LRAT: variants seen among roughly 807,000 people sequenced by gnomAD.
LRAT encodes the protein lecithin retinol acyltransferase, also known as lecithin retinol acyltransferase (phosphatidylcholine--retinol O-acyltransferase).
Under a neutral mutation model 14.2 loss-of-function variants are expected in LRAT, and 11 were observed. The ratio of observed to expected loss-of-function variants is 0.78; its 90% CI spans 0.49 to 1.29. LRAT has a LOEUF of 1.29. Among genes scored for constraint, LRAT ranks in the 50% most tolerant of loss-of-function variants. LRAT has a pLI of 0.00. For synonymous variants in LRAT, 144 were observed against 124.8 expected (o/e 1.15, Z -1.03); for missense variants, 274 against 292.4 (o/e 0.94, Z 0.46).
Position 154,752,208 on chromosome 4 carries a change from G to C in LRAT, c.*3072G>C, listed in dbSNP as rs944531041. 3 of 152,232 alleles carry C rather than the reference G, an allele frequency of 2.0e-5. No individual in the cohort carries two copies. Among genetic ancestry groups the C allele is most frequent in the African/African-American group, 7.2e-5 (3 of 41,462 alleles). The allele number at this position is 152,232 out of a possible 1,614,324, so 9.4% of individuals were successfully genotyped here. A position where few individuals can be genotyped will look rare whatever the true frequency, so the allele number is the denominator to read the frequency against. Reference sequence around the variant, plus strand: ...ACAAACCATGTACCAACACTTGAAAGATGGGTGGATATTTTCCAGGAAACA... The same window carrying C: ...ACAAACCATGTACCAACACTTGAAACATGGGTGGATATTTTCCAGGAAACA... On this transcript the variant is annotated 3_prime_UTR_variant, in exon 3 of 3. Coordinates refer to ENST00000336356, the MANE Select transcript of LRAT (RefSeq NM_004744.5).
In LRAT at chr4:154,751,056, T is replaced by A. The variant is rs190180367; in HGVS notation, c.*1920T>A. ...AATTCCTTGTTCATTTGAGTGTTCA[T>A]TATATGCCAGGCATTGACCAGTTGC... On this transcript the variant is annotated 3_prime_UTR_variant, in exon 3 of 3. Transcript: ENST00000336356. 6.6e-6 allele frequency: 1 copy of A among 152,326 alleles called. No homozygotes were observed. Among genetic ancestry groups the A allele is most frequent in the East Asian group, 1.9e-4 (1 of 5,178 alleles). The allele number at this position is 152,326 out of a possible 1,614,324, so 9.4% of individuals were successfully genotyped here.
At chr4:154,741,524 C>A (rs1037425120), upstream of LRAT, among the ~76,000 whole-genome samples, 2 of 152,114 alleles carry the variant, frequency 1.3e-5, no homozygotes, top group Non-Finnish European at 2.9e-5. Flanking sequence ...ATGGACACTC[C>A]GCGCCCTATT....
rs1560870427 is a variant in LRAT, at chr4:154,744,315, C to A, written c.-1-11C>A. Reference sequence around the variant, plus strand: ...CACCGGCACCTCTCCAAGACGCCCTCTTCCCTGCAGGATGAAGAACCCCAT... The same window carrying A: ...CACCGGCACCTCTCCAAGACGCCCTATTCCCTGCAGGATGAAGAACCCCAT... On this transcript the variant is annotated splice_polypyrimidine_tract_variant and intron_variant, in intron 1 of 2. Coordinates refer to ENST00000336356, the MANE Select transcript of LRAT (RefSeq NM_004744.5). 8.7e-6 allele frequency: 14 copies of A among 1,613,968 alleles called. No individual in the cohort carries two copies. Among genetic ancestry groups the A allele is most frequent in the Non-Finnish European group, 1.2e-5 (14 of 1,180,004 alleles).
upstream of LRAT, among the ~76,000 whole-genome samples, chr4:154,741,986 C>A (rs548815593): frequency 4.6e-5 from 7 of 152,110 alleles, no homozygotes; most frequent in Admixed American, 2.0e-4. Context: ...CCCTTTGGCC[C>A]GTGACACAAG....
In LRAT at chr4:154,752,254, A is replaced by G. The variant is rs931694937; in HGVS notation, c.*3118A>G. ...AAACAGATTTTGGGCAGGACATTCC[A>G]TGCACTGGAAATAGCATGAACAAAT... On this transcript the variant is annotated 3_prime_UTR_variant, in exon 3 of 3. Transcript: ENST00000336356. 5 of 152,248 alleles carry G rather than the reference A, an allele frequency of 3.3e-5. No homozygotes were observed. The highest frequency in any genetic ancestry group is 1.2e-4 in the African/African-American group (5 of 41,462). 9.4% of individuals were successfully genotyped at this position (152,248 alleles called of 1,614,324 possible).
intron 2 of LRAT, among the ~76,000 whole-genome samples, chr4:154,748,607 T>C (rs1050841434): frequency 6.6e-6 from 1 of 152,148 alleles, no homozygotes; most frequent in Admixed American, 6.5e-5. Context: ...CCAAATTCTA[T>C]TATTTTTACT....
chr4:154,741,899 A>AT (rs2111028569), upstream of LRAT, among the ~76,000 whole-genome samples: 1 of 152,320 alleles, frequency 6.6e-6, no homozygotes, highest in Non-Finnish European at 1.5e-5. Flanking sequence ...GGAGGCAGTC[A>AT]TAAGCATTAT....
At position 154,750,797 on chromosome 4, in the gene LRAT, T is replaced by C; in HGVS notation, c.*1661T>C. 6.6e-6 allele frequency: 1 copy of C among 152,220 alleles called. No homozygotes were observed. The highest frequency in any genetic ancestry group is 1.9e-4 in the East Asian group (1 of 5,200). 9.4% of individuals were successfully genotyped at this position (152,220 alleles called of 1,614,324 possible). On this transcript the variant is annotated 3_prime_UTR_variant, in exon 3 of 3. Coordinates refer to ENST00000336356, the MANE Select transcript of LRAT (RefSeq NM_004744.5). ...TGAGAACTACCGTGTTAGTGGTTTT[T>C]CACTTACTGTATATTACCCTTGTAG...
Position 154,749,299 on chromosome 4 carries a change from A to G in LRAT, c.*163A>G, listed in dbSNP as rs937622337. The G allele has an allele frequency of 4.0e-6, 3 of 753,218 alleles. No individual in the cohort carries two copies. The highest frequency in any genetic ancestry group is 1.8e-5 in the African/African-American group (1 of 57,006). 46.7% of individuals were successfully genotyped at this position (753,218 alleles called of 1,614,324 possible). ...CGCAAAGTGCTTACTGTGTAAGCCC[A>G]AGAACAAAGGCTTTCTGAATCTTCT... is the stretch of plus-strand genomic sequence containing the variant. On this transcript the variant is annotated 3_prime_UTR_variant, in exon 3 of 3. Transcript: ENST00000336356.
intron 2 of LRAT, among the ~76,000 whole-genome samples, chr4:154,746,839 G>A (rs1423411692): frequency 6.6e-6 from 1 of 152,080 alleles, no homozygotes; most frequent in African/African-American, 2.4e-5. Context: ...TTTAATTGCT[G>A]TTGCTGCATA....
At chr4:154,748,684 G>T (rs1732927583) in intron 2 of LRAT, among the ~76,000 whole-genome samples, 1 of 152,022 alleles carries the variant, frequency 6.6e-6, no homozygotes, top group Non-Finnish European at 1.5e-5. Flanking sequence ...TAAGCAGTTT[G>T]ATGTTTTAAA....
Position 154,752,976 on chromosome 4 carries a change from T to C in LRAT, c.*3840T>C, listed in dbSNP as rs1733027114. 1.3e-5 allele frequency: 2 copies of C among 152,232 alleles called. No individual in the cohort carries two copies. Among genetic ancestry groups the C allele is most frequent in the African/African-American group, 4.8e-5 (2 of 41,468 alleles). The allele number at this position is 152,232 out of a possible 1,614,324, so 9.4% of individuals were successfully genotyped here. ...GTTATGGCAATGGCAAAAGTCCTTGTTGTAGATGAGAAGCATATAAGAAAT... is the reference window on the plus strand; with the variant it reads ...GTTATGGCAATGGCAAAAGTCCTTGCTGTAGATGAGAAGCATATAAGAAAT... On this transcript the variant is annotated 3_prime_UTR_variant, in exon 3 of 3. Coordinates refer to ENST00000336356, the MANE Select transcript of LRAT (RefSeq NM_004744.5).
At position 154,749,233 on chromosome 4, in the gene LRAT, C is replaced by A; in HGVS notation, c.*97C>A. 1 of 1,303,828 alleles carries A rather than the reference C, an allele frequency of 7.7e-7. No homozygotes were observed. Among genetic ancestry groups the A allele is most frequent in the Non-Finnish European group, 1.1e-6 (1 of 903,044 alleles). The allele number at this position is 1,303,828 out of a possible 1,614,324, so 80.8% of individuals were successfully genotyped here. ...TAAGCATTATTGAGAAAAATGTGAC[C>A]CGTAACACTGTGTTCTGGATAAAAA... On this transcript the variant is annotated 3_prime_UTR_variant, in exon 3 of 3. Transcript: ENST00000336356.
Position 154,748,422 on chromosome 4 carries a change from C to T in LRAT, c.541-562C>T, listed in dbSNP as rs992919224. 1.6e-5 allele frequency: 16 copies of T among 986,300 alleles called. No individual in the cohort carries two copies. The African/African-American group carries it at 2.1e-4, about 13-fold the overall frequency. 61.1% of individuals were successfully genotyped at this position (986,300 alleles called of 1,614,324 possible). ...AATATTTGTCTTTTTTTCCAGCAGC[C>T]AGTTATGTGTCACATAATTGATCCT... On this transcript the variant is annotated intron_variant, in intron 2 of 2. Coordinates refer to ENST00000336356, the MANE Select transcript of LRAT (RefSeq NM_004744.5).
intron 2 of LRAT, among the ~76,000 whole-genome samples, chr4:154,747,951 T>C (rs1370051591): frequency 2.0e-5 from 3 of 152,168 alleles, no homozygotes; most frequent in South Asian, 2.1e-4. Flanking sequence ...TTGTTCATTC[T>C]ATCACTTAAT....
rs576544768 is a variant in LRAT at position 154,748,909 on chromosome 4, G to C, written c.541-75G>C. 431 of 1,386,014 alleles carry C rather than the reference G, an allele frequency of 3.1e-4. 1 individual carries two copies. Among genetic ancestry groups the C allele is most frequent in the South Asian group, 2.8e-3 (240 of 85,618 alleles). The allele number at this position is 1,386,014 out of a possible 1,614,324, so 85.9% of individuals were successfully genotyped here. A position where few individuals can be genotyped will look rare whatever the true frequency, so the allele number is the denominator to read the frequency against. ...TAGACAGAAAATAGCTGGGAAAACT[G>C]ATTTACTGTTTGATATATGTGATTC... On this transcript the variant is annotated intron_variant, in intron 2 of 2. Transcript: ENST00000336356.
chr4:154,744,181 C>G lies in LRAT; in HGVS notation c.-43C>G. ...CTGTCCTCCTTTGCCTTCCTCTCTCCTCAGCGGCCGTACTTTGCGCCGTAC... is the reference window on the plus strand; with the variant it reads ...CTGTCCTCCTTTGCCTTCCTCTCTCGTCAGCGGCCGTACTTTGCGCCGTAC... On this transcript the variant is annotated 5_prime_UTR_variant, in exon 1 of 3. Coordinates refer to ENST00000336356, the MANE Select transcript of LRAT (RefSeq NM_004744.5). 1.2e-6 allele frequency: 1 copy of G among 814,382 alleles called. No homozygotes were observed. Among genetic ancestry groups the G allele is most frequent in the Non-Finnish European group, 2.0e-6 (1 of 495,058 alleles). 50.4% of individuals were successfully genotyped at this position (814,382 alleles called of 1,614,324 possible).
In LRAT at chr4:154,749,274, C is replaced by T. The variant is rs1241475769; in HGVS notation, c.*138C>T. On this transcript the variant is annotated 3_prime_UTR_variant, in exon 3 of 3. Transcript: ENST00000336356. ...TGGATAAAAATGTGATTAGGAATCA[C>T]GCAAAGTGCTTACTGTGTAAGCCCA... is the stretch of plus-strand genomic sequence containing the variant. 19 of 974,912 alleles carry T rather than the reference C, an allele frequency of 1.9e-5. No homozygotes were observed. Among genetic ancestry groups the T allele is most frequent in the South Asian group, 5.3e-5 (4 of 75,066 alleles). 60.4% of individuals were successfully genotyped at this position (974,912 alleles called of 1,614,324 possible). A position where few individuals can be genotyped will look rare whatever the true frequency, so the allele number is the denominator to read the frequency against.
upstream of LRAT, among the ~76,000 whole-genome samples, chr4:154,742,958 CTT>C (rs1227454809): frequency 6.6e-6 from 1 of 152,202 alleles, no homozygotes; most frequent in African/African-American, 2.4e-5. Context: ...GAGAAATAAA[CTT>C]AACATGAATC....
Sources: gnomAD v4.1 joint callset for allele counts (sites outside exome capture counted in the v4.1 genomes callset) on GRCh38, gnomAD v4.1.1 for gene constraint, MANE v1.5 for transcripts, NCBI Gene and HGNC (gene_info 2026-07-23, HGNC 2026-07-21) for gene names.